HORMAD2: variants seen among roughly 807,000 people sequenced by gnomAD.
HORMAD2 encodes HORMA domain containing 2, also known as HORMA domain-containing protein 2.
Under a neutral mutation model 38.8 loss-of-function variants are expected in HORMAD2, and 45 were observed. The observed-to-expected ratio is 1.16, with a 90% CI of 0.91 to 1.49. The LOEUF is 1.49. HORMAD2 is among the 40% of genes most tolerant of loss of function. HORMAD2 has a pLI of 0.00. For synonymous variants in HORMAD2, 126 were observed against 122.8 expected (o/e 1.03, Z -0.17); for missense variants, 338 against 367.0 (o/e 0.92, Z 0.65).
At chr22:30,145,947 A>C (rs1924385473) in intron 10 of HORMAD2, among the ~76,000 whole-genome samples, 1 of 152,226 alleles carries the variant, frequency 6.6e-6, no homozygotes, top group East Asian at 1.9e-4. Flanking sequence ...ATGGACCACA[A>C]TATCTCTCAT....
intron 2 of HORMAD2, among the ~76,000 whole-genome samples, chr22:30,095,254 T>C (rs1032419584): frequency 2.0e-5 from 3 of 152,240 alleles, no homozygotes; most frequent in Non-Finnish European, 4.4e-5. Flanking sequence ...ATTAAAACTT[T>C]AGTGCCTTTT....
At chr22:30,113,365 C>T (rs546896592) in intron 7 of HORMAD2, among the ~76,000 whole-genome samples, 12 of 151,970 alleles carry the variant, frequency 7.9e-5, no homozygotes, top group African/African-American at 2.9e-4. Context: ...CTGGCATGCA[C>T]CACCATGGCC....
At chr22:30,137,439 G>C in intron 10 of HORMAD2, 1 of 362,536 alleles carries the variant, frequency 2.8e-6, no homozygotes, top group South Asian at 2.4e-5. Flanking sequence ...GTGAGCTGTT[G>C]ATCACACCAC....
chr22:30,128,128 C>G (rs912428531), intron 10 of HORMAD2, among the ~76,000 whole-genome samples: 2 of 152,102 alleles, frequency 1.3e-5, no homozygotes, highest in African/African-American at 4.8e-5. Context: ...TTGCAAAGGG[C>G]AGAATGAGAA....
intron 10 of HORMAD2, among the ~76,000 whole-genome samples, chr22:30,152,583 A>T (rs2146201548): frequency 6.6e-6 from 1 of 152,140 alleles, no homozygotes; most frequent in East Asian, 1.9e-4. Flanking sequence ...CTCCCACCTC[A>T]CCCTCTCAAA....
intron 10 of HORMAD2, among the ~76,000 whole-genome samples, chr22:30,175,368 G>T (rs1442182391): frequency 7.7e-6 from 1 of 129,532 alleles, no homozygotes; most frequent in African/African-American, 2.9e-5. Context: ...AAAAAACATA[G>T]GACATGGAAA....
At chr22:30,158,555 T>TC (rs1569115266) in intron 10 of HORMAD2, among the ~76,000 whole-genome samples, 6 of 72,788 alleles carry the variant, frequency 8.2e-5, no homozygotes, top group Non-Finnish European at 9.0e-5. Flanking sequence ...CCTTCCTCCC[T>TC]CCCCTCCCCT....
upstream of HORMAD2, among the ~76,000 whole-genome samples, chr22:30,079,187 C>T (rs1297881200): frequency 6.6e-6 from 1 of 152,028 alleles, no homozygotes; most frequent in African/African-American, 2.4e-5. Context: ...CATCTACTCT[C>T]TTGGGAAATC....
intron 2 of HORMAD2, among the ~76,000 whole-genome samples, chr22:30,097,841 A>G (rs1383555188): frequency 2.0e-5 from 3 of 152,238 alleles, no homozygotes; most frequent in Non-Finnish European, 4.4e-5. Context: ...AATCGTTAGC[A>G]AAGAGATAAG....
chr22:30,137,243 C>T, intron 10 of HORMAD2: 1 of 579,852 alleles, frequency 1.7e-6, no homozygotes. Flanking sequence ...TCATTCTGCA[C>T]ATCAGACAAA....
At chr22:30,125,212 TTTTC>T (rs1487487497) in intron 10 of HORMAD2, among the ~76,000 whole-genome samples, 53 of 119,726 alleles carry the variant, frequency 4.4e-4, no homozygotes, top group African/African-American at 1.7e-3. Context: ...TTTCTTTTTC[TTTTC>T]TTTTTTTTTT....
intron 3 of HORMAD2, among the ~76,000 whole-genome samples, chr22:30,103,161 A>G (rs1920967710): frequency 6.6e-6 from 1 of 152,196 alleles, no homozygotes; most frequent in African/African-American, 2.4e-5. Context: ...ACAGCGGCAA[A>G]GAAAGGACAC....
intron 1 of HORMAD2, among the ~76,000 whole-genome samples, chr22:30,085,615 G>A (rs979940986): frequency 2.6e-5 from 4 of 152,042 alleles, no homozygotes; most frequent in South Asian, 2.1e-4. Flanking sequence ...TTAGCTGGAT[G>A]TGGTGGCACA....
At chr22:30,138,549 T>C (rs566617468) in intron 10 of HORMAD2, among the ~76,000 whole-genome samples, 2 of 152,322 alleles carry the variant, frequency 1.3e-5, no homozygotes, top group South Asian at 2.1e-4. Flanking sequence ...GGTAGATTCC[T>C]TACCAGATAT....
chr22:30,203,720 C>T, the HORMAD2 span, among the ~76,000 whole-genome samples: 1 of 152,196 alleles, frequency 6.6e-6, no homozygotes, highest in African/African-American at 2.4e-5. Flanking sequence ...TTCTCAAATG[C>T]ACCTGTCTGC....
At chr22:30,108,453 A>G (rs2146102473) in intron 5 of HORMAD2, among the ~76,000 whole-genome samples, 1 of 152,220 alleles carries the variant, frequency 6.6e-6, no homozygotes, top group Admixed American at 6.5e-5. Flanking sequence ...ACCTTTGCAT[A>G]TATTGTTCCT....
the HORMAD2 span, among the ~76,000 whole-genome samples, chr22:30,191,756 G>A: frequency 1.3e-3 from 205 of 152,286 alleles, no homozygotes; most frequent in African/African-American, 4.3e-3. Flanking sequence ...TCTGAAAGGC[G>A]AGTAAACACT....
At chr22:30,077,980 G>A (rs1339698015), upstream of HORMAD2, among the ~76,000 whole-genome samples, 3 of 152,144 alleles carry the variant, frequency 2.0e-5, no homozygotes, top group South Asian at 4.1e-4. Context: ...AACAGCTCTT[G>A]ACCTCAAGGA....
chr22:30,122,440 A>G (rs1922527767), intron 10 of HORMAD2, among the ~76,000 whole-genome samples: 1 of 152,172 alleles, frequency 6.6e-6, no homozygotes, highest in Admixed American at 6.5e-5. Context: ...ATTTTCTAAT[A>G]TATTTATTTT....
Sources: gnomAD v4.1 joint callset for allele counts (sites outside exome capture counted in the v4.1 genomes callset) on GRCh38, gnomAD v4.1.1 for gene constraint, MANE v1.5 for transcripts, NCBI Gene and HGNC (gene_info 2026-07-23, HGNC 2026-07-21) for gene names.